The following CHSY3 variants were observed in gnomAD, a reference collection of about 807,000 sequenced individuals.
CHSY3 encodes the protein chondroitin sulfate synthase 3.
CHSY3 carries 35 observed loss-of-function variants against 67.2 expected under a neutral mutation model. That is an observed-to-expected ratio of 0.52 (90% CI 0.40 to 0.69). The LOEUF (loss-of-function observed/expected upper bound fraction) is 0.69. Ranked by LOEUF, CHSY3 falls within the 30% of genes least tolerant of loss-of-function variation. CHSY3 has a pLI of 0.00. For synonymous variants in CHSY3, 474 were observed against 434.7 expected (o/e 1.09, Z -1.12); for missense variants, 1,069 against 1,138.5 (o/e 0.94, Z 0.88).
intron 2 of CHSY3, among the ~76,000 whole-genome samples, chr5:130,015,057 G>A (rs1764177183): frequency 6.6e-6 from 1 of 152,202 alleles, no homozygotes; most frequent in African/African-American, 2.4e-5. Context: ...TGTTAGAGGA[G>A]GAACCTGGTA....
At chr5:130,070,515 T>C (rs1029823193) in intron 2 of CHSY3, among the ~76,000 whole-genome samples, 1 of 152,078 alleles carries the variant, frequency 6.6e-6, no homozygotes, top group African/African-American at 2.4e-5. Context: ...CAGAAAATCA[T>C]GAAATGAAAT....
intron 2 of CHSY3, among the ~76,000 whole-genome samples, chr5:129,997,172 T>C (rs1353758449): frequency 2.6e-5 from 4 of 152,120 alleles, no homozygotes; most frequent in African/African-American, 9.7e-5. Context: ...AGGATGACTT[T>C]TTTAAACAAA....
chr5:129,990,555 A>C (rs1214227963), intron 2 of CHSY3, among the ~76,000 whole-genome samples: 1 of 152,104 alleles, frequency 6.6e-6, no homozygotes, highest in Non-Finnish European at 1.5e-5. Context: ...AACAAACCCA[A>C]ATTTTTATTT....
intron 2 of CHSY3, among the ~76,000 whole-genome samples, chr5:130,064,068 ACT>A (rs1765802000): frequency 6.6e-6 from 1 of 151,972 alleles, no homozygotes; most frequent in African/African-American, 2.4e-5. Context: ...TCCTATTCAG[ACT>A]CTAATAAAAA....
At chr5:130,171,315 G>T (rs1769888554) in intron 2 of CHSY3, among the ~76,000 whole-genome samples, 1 of 152,086 alleles carries the variant, frequency 6.6e-6, no homozygotes, top group South Asian at 2.1e-4. Flanking sequence ...GTTATCATTA[G>T]ATTTTTTTTC....
intron 2 of CHSY3, among the ~76,000 whole-genome samples, chr5:130,161,540 A>G (rs1456463950): frequency 6.6e-6 from 1 of 152,234 alleles, no homozygotes; most frequent in Non-Finnish European, 1.5e-5. Flanking sequence ...GTTAATGTAG[A>G]CATTAACTTT....
At position 130,185,894 on chromosome 5, in the gene CHSY3, T is replaced by C. The variant is rs1409176593; in HGVS notation, c.*103T>C. On this transcript the variant is annotated 3_prime_UTR_variant, in exon 3 of 3. Transcript: ENST00000305031. ...TGTTATTTTATTATTATTATTGTTA[T>C]AATTTTATTTTGTTGTCCTGGTCTT... 2.7e-5 allele frequency: 17 copies of C among 630,474 alleles called. No homozygotes were observed. Among genetic ancestry groups the C allele is most frequent in the Non-Finnish European group, 3.7e-5 (16 of 435,462 alleles). 39.1% of individuals were successfully genotyped at this position (630,474 alleles called of 1,614,324 possible).
chr5:130,062,789 CT>C (rs1765756349), intron 2 of CHSY3, among the ~76,000 whole-genome samples: 1 of 151,686 alleles, frequency 6.6e-6, no homozygotes, highest in Non-Finnish European at 1.5e-5. Context: ...TAGTAAATAA[CT>C]TATTCAAGCT....
chr5:130,163,117 C>T (rs1159338816), intron 2 of CHSY3, among the ~76,000 whole-genome samples: 2 of 151,970 alleles, frequency 1.3e-5, no homozygotes, highest in African/African-American at 4.8e-5. Context: ...ACATGGAAAG[C>T]AGACATGTGG....
At chr5:130,083,952 C>T (rs1766523164) in intron 2 of CHSY3, among the ~76,000 whole-genome samples, 1 of 151,450 alleles carries the variant, frequency 6.6e-6, no homozygotes, top group Non-Finnish European at 1.5e-5. Flanking sequence ...TTTTTCCTTC[C>T]TCCAAATAAG....
At chr5:130,050,755 G>T (rs1231669350) in intron 2 of CHSY3, among the ~76,000 whole-genome samples, 1 of 151,978 alleles carries the variant, frequency 6.6e-6, no homozygotes, top group Non-Finnish European at 1.5e-5. Context: ...CTTCAATATG[G>T]GTACTCATCT....
chr5:130,017,157 C>T (rs114384955), intron 2 of CHSY3, among the ~76,000 whole-genome samples: 2,160 of 150,574 alleles, frequency 0.014, 52 homozygotes, highest in African/African-American at 0.05. Flanking sequence ...AGTGCTTGGA[C>T]GAAGAGGATA....
At chr5:129,961,714 T>C (rs1282071328) in intron 2 of CHSY3, among the ~76,000 whole-genome samples, 3 of 152,028 alleles carry the variant, frequency 2.0e-5, no homozygotes, top group African/African-American at 7.2e-5. Flanking sequence ...TGATCCAGGA[T>C]GGTCCACAAT....
chr5:130,058,554 A>C (rs1022412121), intron 2 of CHSY3, among the ~76,000 whole-genome samples: 25 of 152,220 alleles, frequency 1.6e-4, no homozygotes, highest in African/African-American at 5.8e-4. Flanking sequence ...TTGAACCCTG[A>C]GGTGGAAGTT....
intron 2 of CHSY3, among the ~76,000 whole-genome samples, chr5:130,003,843 A>G (rs1763801855): frequency 6.6e-6 from 1 of 152,206 alleles, no homozygotes; most frequent in Admixed American, 6.5e-5. Flanking sequence ...GATGTACACA[A>G]AACCTGTTTG....
intron 2 of CHSY3, among the ~76,000 whole-genome samples, chr5:129,964,587 G>T (rs940357771): frequency 6.6e-6 from 1 of 151,600 alleles, no homozygotes; most frequent in Non-Finnish European, 1.5e-5. Flanking sequence ...AAAACAATGC[G>T]CAGTCCTATC....
At chr5:130,064,354 A>G (rs542558097) in intron 2 of CHSY3, among the ~76,000 whole-genome samples, 4 of 152,260 alleles carry the variant, frequency 2.6e-5, no homozygotes, top group African/African-American at 9.6e-5. Context: ...ATTGAAGCTG[A>G]CAGAAGTTAA....
chr5:129,998,107 C>G (rs1763601464), intron 2 of CHSY3, among the ~76,000 whole-genome samples: 1 of 152,158 alleles, frequency 6.6e-6, no homozygotes, highest in Admixed American at 6.5e-5. Flanking sequence ...AATGGTTGAA[C>G]TAATTTACAC....
intron 2 of CHSY3, among the ~76,000 whole-genome samples, chr5:129,994,070 C>G (rs1580625881): frequency 6.6e-6 from 1 of 152,290 alleles, no homozygotes; most frequent in East Asian, 1.9e-4. Flanking sequence ...AGAGTTTCTG[C>G]CGAGAGATCA....
Sources: allele counts gnomAD v4.1 joint callset (sites outside exome capture counted in the v4.1 genomes callset), GRCh38; gene constraint gnomAD v4.1.1; transcripts MANE v1.5; gene names NCBI Gene and HGNC (gene_info 2026-07-23, HGNC 2026-07-21).